The following ZFR2 variants were observed in gnomAD, a reference collection of about 807,000 sequenced individuals.
ZFR2 encodes the protein zinc finger RNA binding protein 2, also known as zinc finger RNA-binding protein 2.
A neutral mutation model predicts 105.7 loss-of-function variants in ZFR2; 104 were observed. The ratio of observed to expected loss-of-function variants is 0.98; its 90% CI spans 0.84 to 1.16. The LOEUF is 1.16. Ranked by LOEUF, ZFR2 falls within the 50% of genes most tolerant of loss-of-function variation. The probability of loss-of-function intolerance (pLI) is 0.00; values close to 1 mark genes in which losing one functional copy is unlikely to be tolerated. For synonymous variants in ZFR2, 634 were observed against 597.7 expected, an observed-to-expected ratio of 1.06 and a Z score of -0.89; for missense variants, 1,425 against 1,355.5, an observed-to-expected ratio of 1.05 and a Z score of -0.80.
chr19:3,866,669 T>C (rs971257276), intron 1 of ZFR2, among the ~76,000 whole-genome samples: 3 of 151,860 alleles, frequency 2.0e-5, no homozygotes, highest in South Asian at 4.2e-4. Context: ...AAGAATACAA[T>C]GGAGAAAGAA....
At position 3,866,309 on chromosome 19, in the gene ZFR2, A is replaced by G. The variant is rs371134528; in HGVS notation, c.53+2656T>C. ...ATGATTCCTGTGTTATTTTTAGTTA[A>G]TAGCTTACTATTTTCTTAAGGAAGA... On this transcript the variant is annotated intron_variant, in intron 1 of 18. Transcript: ENST00000262961. Among the ~76,000 whole-genome samples the G allele has an allele frequency of 4.6e-5, 7 of 152,286 alleles. No individual in the cohort carries two copies. In the South Asian group the frequency reaches 1.5e-3, roughly 32 times the overall value.
chr19:3,863,303 G>A (rs1308072453), intron 1 of ZFR2, among the ~76,000 whole-genome samples: 3 of 152,208 alleles, frequency 2.0e-5, no homozygotes, highest in African/African-American at 7.2e-5. Context: ...TGGGCTCCGG[G>A]CCTTTTTCAA....
chr19:3,823,276 C>T lies in ZFR2; in HGVS notation c.1341G>A (p.Ala447=), dbSNP rs371065673. 2.0e-5 allele frequency: 32 copies of T among 1,613,868 alleles called. No homozygotes were observed. Among genetic ancestry groups the T allele is most frequent in the East Asian group, 4.5e-5 (2 of 44,884 alleles). The part of the protein sequence containing the change: ...SKEAPAGCSD[A]QPVGPEYVEE... ...CCACATATTCCGGGCCCACCGGCTG[C>T]GCATCAGAGCAGCCCGCGGGAGCTT... The change falls in exon 8 of 19, where the codon GCG becomes GCA. Residue 447 remains alanine (A), a synonymous_variant. Transcript: ENST00000262961. The surrounding 1 kb of genome is among the most constrained non-coding windows in gnomAD (Gnocchi z 5.4).
rs149551602 is a variant in ZFR2 at position 3,833,645 on chromosome 19, G to A, written c.379+19C>T. On this transcript the variant is annotated intron_variant, in intron 3 of 18. Transcript: ENST00000262961. ...GGAGCGTCTCCTCGTTCCCAGCCCC[G>A]ACCCTGCAGATGGCTCACCTGGCTG... 4.3e-3 allele frequency: 6,646 copies of A among 1,538,512 alleles called. 54 individuals carry two copies. Among genetic ancestry groups the A allele is most frequent in the East Asian group, 0.031 (1,291 of 41,028 alleles).
chr19:3,825,081 G>T, intron 7 of ZFR2, 149 bp downstream of exon 7: 1 of 944,418 alleles, frequency 1.1e-6, no homozygotes, highest in Non-Finnish European at 1.5e-6. Context: ...TGCTCTGCAG[G>T]AATAAGGGAG....
chr19:3,833,893 G>T, intron 2 of ZFR2, 115 bp from the exon 3 acceptor site: 1 of 807,052 alleles, frequency 1.2e-6, no homozygotes, highest in South Asian at 1.8e-5. Context: ...TGCAGCGCTG[G>T]CTCCTAAGCG....
chr19:3,864,288 A>G (rs1326694977), intron 1 of ZFR2, among the ~76,000 whole-genome samples: 1 of 152,090 alleles, frequency 6.6e-6, no homozygotes, highest in Admixed American at 6.6e-5. Flanking sequence ...TGAGGGGGGA[A>G]GACTGCCTGA....
At position 3,820,306 on chromosome 19, in the gene ZFR2, G is replaced by A. The variant is rs574542402; in HGVS notation, c.1632-16C>T. 5.1e-5 allele frequency: 78 copies of A among 1,539,450 alleles called. No homozygotes were observed. Among genetic ancestry groups the A allele is most frequent in the Non-Finnish European group, 6.5e-5 (74 of 1,145,262 alleles). ...CTCCAGCCGCCTGCAGGACCGAGAC[G>A]TGACAGAGCATGGTCAGGCCAGCAG... On this transcript the variant is annotated splice_polypyrimidine_tract_variant and intron_variant, in intron 10 of 18. Coordinates refer to ENST00000262961, the MANE Select transcript of ZFR2 (RefSeq NM_015174.2).
rs577318095 is a variant in ZFR2, at chr19:3,838,037, A to G, written c.54-3054T>C. The stretch of plus-strand genomic sequence containing the variant: ...ACTTGATGAACACCGTGACTGTGAC[A>G]CACGATGAACACCATGACCGTGACA... On this transcript the variant is annotated intron_variant, in intron 1 of 18. Transcript: ENST00000262961. This position sits in a 1 kb window ranked among gnomAD's most constrained non-coding sequence, Gnocchi z 4.9. 2.6e-5 allele frequency among the ~76,000 whole-genome samples: 4 copies of G among 151,176 alleles called. No homozygotes were observed. Among genetic ancestry groups the G allele is most frequent in the Admixed American group, 6.6e-5 (1 of 15,162 alleles).
Position 3,868,974 on chromosome 19 carries a change from G to A in ZFR2, c.44C>T (p.Pro15Leu), listed in dbSNP as rs980917755. The A allele has an allele frequency of 3.7e-6, 5 of 1,355,922 alleles. No homozygotes were observed. Among genetic ancestry groups the A allele is most frequent in the Non-Finnish European group, 9.6e-7 (1 of 1,044,306 alleles). The allele number at this position is 1,355,922 out of a possible 1,614,324, so 84.0% of individuals were successfully genotyped here. A position where few individuals can be genotyped will look rare whatever the true frequency, so the allele number is the denominator to read the frequency against. The change falls in exon 1 of 19, where the codon CCG becomes CTG. Residue 15 changes from proline (P) to leucine (L), a missense_variant. Transcript: ENST00000262961. Reference protein sequence around the residue: ...QYFDFAQGGGPQYSAQPPTLP... With the variant: ...QYFDFAQGGGLQYSAQPPTLP... Reference sequence around the variant, plus strand: ...GCGGCGGGGCAGTTACCTGTACTGCGGGCCGCCGCCCTGCGCGAAGTCGAA... The same window carrying A: ...GCGGCGGGGCAGTTACCTGTACTGCAGGCCGCCGCCCTGCGCGAAGTCGAA...
chr19:3,806,285 C>T (rs2145126582), intron 18 of ZFR2, among the ~76,000 whole-genome samples, 160 bp from the exon 19 acceptor site: 1 of 151,954 alleles, frequency 6.6e-6, no homozygotes, highest in East Asian at 1.9e-4. Flanking sequence ...TTTTTTGAGA[C>T]ACAGTCTCGC....
chr19:3,821,605 T>A (rs533256635), intron 9 of ZFR2, 126 bp from the exon 10 acceptor site: 2 of 38,462 alleles, frequency 5.2e-5, no homozygotes, highest in South Asian at 6.8e-4. Context: ...TCCCAAAGCC[T>A]TTTTTTTTTT....
intron 15 of ZFR2, 145 bp downstream of exon 15, chr19:3,811,127 C>T (rs1302671304): frequency 2.4e-6 from 2 of 849,274 alleles, no homozygotes; most frequent in Non-Finnish European, 3.5e-6. Flanking sequence ...CAAGTCAGCA[C>T]TCGGCCAGGA....
chr19:3,807,361 G>A (rs1320089549), intron 17 of ZFR2, 92 bp from the exon 18 acceptor site: 1 of 922,794 alleles, frequency 1.1e-6, no homozygotes, highest in Non-Finnish European at 1.7e-6. Context: ...TGGGGCCTCA[G>A]GGGCCCGTGC....
rs1466133948 is a variant in ZFR2, at chr19:3,838,130, C to T, written c.54-3147G>A. On this transcript the variant is annotated intron_variant, in intron 1 of 18. Transcript: ENST00000262961. This position sits in a 1 kb window ranked among gnomAD's most constrained non-coding sequence, Gnocchi z 4.9. ...CCGTGACACTCGATGAACACCGTGACTGTGACACACAATGAACACCGTGAC... is the reference window on the plus strand; with the variant it reads ...CCGTGACACTCGATGAACACCGTGATTGTGACACACAATGAACACCGTGAC... Among the ~76,000 whole-genome samples the T allele has an allele frequency of 6.6e-6, 1 of 151,924 alleles. No individual in the cohort carries two copies. The highest frequency in any genetic ancestry group is 1.5e-5 in the Non-Finnish European group (1 of 67,996).
chr19:3,820,653 C>T (rs939801374), intron 10 of ZFR2, among the ~76,000 whole-genome samples: 3 of 151,610 alleles, frequency 2.0e-5, no homozygotes, highest in African/African-American at 7.3e-5. Flanking sequence ...AATGAGGGGA[C>T]GCTAGGGGAT....
At chr19:3,842,945 C>A (rs961742154) in intron 1 of ZFR2, among the ~76,000 whole-genome samples, 3 of 152,034 alleles carry the variant, frequency 2.0e-5, no homozygotes, top group Non-Finnish European at 4.4e-5. Context: ...CATTTCATGA[C>A]CCCACAATGA....
chr19:3,821,935 A>C, intron 9 of ZFR2, 146 bp downstream of exon 9: 2 of 1,283,898 alleles, frequency 1.6e-6, no homozygotes, highest in Non-Finnish European at 2.1e-6. Context: ...GACGAGGACC[A>C]AGACGTTGAA....
In ZFR2 at chr19:3,827,495, G is replaced by A. The variant is rs1043065099; in HGVS notation, c.1011C>T (p.His337=). 10 of 1,552,722 alleles carry A rather than the reference G, an allele frequency of 6.4e-6. No individual in the cohort carries two copies. The highest frequency in any genetic ancestry group is 8.7e-6 in the Non-Finnish European group (10 of 1,148,948). The change falls in exon 6 of 19, where the codon CAC becomes CAT. Residue 337 remains histidine, a synonymous_variant. Coordinates refer to ENST00000262961, the MANE Select transcript of ZFR2 (RefSeq NM_015174.2). The part of the protein sequence containing the change: ...SCTGADAYAA[H]IRGSKHQKVF... Reference sequence around the variant, plus strand: ...CCTTCTGGTGCTTGGATCCCCGGATGTGGGCCGCGTAGGCGTCCGCCCCGG... The same window carrying A: ...CCTTCTGGTGCTTGGATCCCCGGATATGGGCCGCGTAGGCGTCCGCCCCGG...
Sources: allele counts gnomAD v4.1 joint callset (sites outside exome capture counted in the v4.1 genomes callset), GRCh38; gene constraint gnomAD v4.1.1; non-coding constraint Gnocchi (gnomAD v3.1); transcripts MANE v1.5; gene names NCBI Gene and HGNC (gene_info 2026-07-23, HGNC 2026-07-21).